Variants in TOX observed in about 807,000 individuals in gnomAD.
The protein encoded by TOX is thymocyte selection associated high mobility group box, also known as thymocyte selection-associated high mobility group box protein TOX.
A neutral mutation model predicts 53.7 loss-of-function variants in TOX; 11 were observed. The observed-to-expected ratio is 0.20, with a 90% CI of 0.13 to 0.34. The LOEUF is 0.34. Among genes scored for constraint, TOX ranks in the 10% least tolerant of loss-of-function variants. The pLI is 1.00. For missense variants in TOX, 570 were observed against 664.6 expected, an observed-to-expected ratio of 0.86 and a Z score of 1.56; for synonymous variants, 225 against 245.3, an observed-to-expected ratio of 0.92 and a Z score of 0.77.
intron 1 of TOX, among the ~76,000 whole-genome samples, chr8:59,045,738 A>T (rs1159510973): frequency 6.6e-6 from 1 of 152,172 alleles, no homozygotes; most frequent in Non-Finnish European, 1.5e-5. Context: ...TGCCTGAAAA[A>T]ACTAGTGGTC....
intron 1 of TOX, among the ~76,000 whole-genome samples, chr8:59,053,564 T>C (rs2129421438): frequency 6.6e-6 from 1 of 152,390 alleles, no homozygotes; most frequent in East Asian, 1.9e-4. Flanking sequence ...TGTTCTGTTC[T>C]GTACTGACAT....
chr8:59,049,449 T>G (rs1428508612), intron 1 of TOX, among the ~76,000 whole-genome samples: 1 of 152,202 alleles, frequency 6.6e-6, no homozygotes, highest in Non-Finnish European at 1.5e-5. Flanking sequence ...CAATATCTTG[T>G]TGTATTTTTT....
intron 1 of TOX, among the ~76,000 whole-genome samples, chr8:59,098,916 G>A (rs188537122): frequency 1.3e-5 from 2 of 152,256 alleles, no homozygotes; most frequent in African/African-American, 2.4e-5. Context: ...AAATGGTTCC[G>A]ATGTGAATTA....
intron 1 of TOX, among the ~76,000 whole-genome samples, chr8:58,974,047 C>T (rs904890551): frequency 9.2e-5 from 14 of 152,192 alleles, no homozygotes; most frequent in African/African-American, 3.4e-4. Context: ...AAACACCTGC[C>T]TTGCCCTCCC....
chr8:59,106,298 G>T, intron 1 of TOX, among the ~76,000 whole-genome samples: 1 of 146,812 alleles, frequency 6.8e-6, no homozygotes, highest in African/African-American at 2.5e-5. Flanking sequence ...TCTTTTCTAA[G>T]TACTCTTTAG....
intron 2 of TOX, among the ~76,000 whole-genome samples, chr8:58,948,995 T>C (rs1273346379): frequency 1.3e-5 from 2 of 152,218 alleles, no homozygotes; most frequent in Non-Finnish European, 2.9e-5. Context: ...AGCTTGGATT[T>C]TGGAGCTGGA....
At chr8:58,844,444 TC>T (rs1810690010) in intron 4 of TOX, among the ~76,000 whole-genome samples, 1 of 152,134 alleles carries the variant, frequency 6.6e-6, no homozygotes, top group African/African-American at 2.4e-5. Context: ...TAAATTTTAT[TC>T]CATCATAATC....
intron 3 of TOX, among the ~76,000 whole-genome samples, chr8:58,929,228 A>C (rs2129175535): frequency 6.6e-6 from 1 of 152,242 alleles, no homozygotes; most frequent in East Asian, 1.9e-4. Flanking sequence ...TTGAAAGAAA[A>C]AAAGACACGC....
At chr8:58,996,542 G>GC (rs1427442623) in intron 1 of TOX, among the ~76,000 whole-genome samples, 1 of 152,134 alleles carries the variant, frequency 6.6e-6, no homozygotes, top group African/African-American at 2.4e-5. Flanking sequence ...TGAGGCCAAT[G>GC]CCCCTTTCCT....
intron 3 of TOX, among the ~76,000 whole-genome samples, chr8:58,886,482 C>T (rs1295786876): frequency 1.3e-5 from 2 of 152,058 alleles, no homozygotes; most frequent in African/African-American, 2.4e-5. Context: ...AAGTGGACTG[C>T]TTCCTAAATG....
chr8:58,949,045 T>C (rs1342423855), intron 2 of TOX, among the ~76,000 whole-genome samples: 1 of 152,202 alleles, frequency 6.6e-6, no homozygotes, highest in South Asian at 2.1e-4. Flanking sequence ...TTAGTAGATG[T>C]ATTTACTTAA....
chr8:58,964,547 C>G (rs1019873104), intron 1 of TOX, among the ~76,000 whole-genome samples: 2 of 152,172 alleles, frequency 1.3e-5, no homozygotes, highest in South Asian at 4.1e-4. Context: ...GAAAGCACCC[C>G]ATGCCATGGG....
chr8:59,054,804 G>C (rs904974465), intron 1 of TOX, among the ~76,000 whole-genome samples: 6 of 141,316 alleles, frequency 4.2e-5, no homozygotes, highest in Admixed American at 1.5e-4. Context: ...GAAAAAGACA[G>C]AGAGAGAAGG....
chr8:59,116,492 T>C (rs905144164), intron 1 of TOX, among the ~76,000 whole-genome samples: 2 of 152,230 alleles, frequency 1.3e-5, no homozygotes, highest in African/African-American at 4.8e-5. Context: ...ACTACAATTG[T>C]GGAGCTGGAC....
At chr8:58,996,866 TA>T (rs1813569021) in intron 1 of TOX, among the ~76,000 whole-genome samples, 1 of 152,230 alleles carries the variant, frequency 6.6e-6, no homozygotes, top group Non-Finnish European at 1.5e-5. Flanking sequence ...TGGAATTAGC[TA>T]GGGGTGTAGC....
chr8:59,000,359 G>T (rs1316879323), intron 1 of TOX, among the ~76,000 whole-genome samples: 1 of 152,134 alleles, frequency 6.6e-6, no homozygotes, highest in Non-Finnish European at 1.5e-5. Context: ...AAGACACTAT[G>T]GGAATACCCA....
intron 3 of TOX, among the ~76,000 whole-genome samples, chr8:58,899,562 A>G (rs990676295): frequency 1.3e-5 from 2 of 152,220 alleles, no homozygotes; most frequent in Non-Finnish European, 2.9e-5. Context: ...TTTCTGGTCC[A>G]AAATATTGGT....
At chr8:59,034,582 C>A (rs1201588804) in intron 1 of TOX, among the ~76,000 whole-genome samples, 1 of 152,146 alleles carries the variant, frequency 6.6e-6, no homozygotes, top group Non-Finnish European at 1.5e-5. Flanking sequence ...CGTCCAAGTC[C>A]AGTGTTGAGC....
intron 6 of TOX, among the ~76,000 whole-genome samples, chr8:58,823,305 C>T (rs569941696): frequency 2.0e-5 from 3 of 152,246 alleles, no homozygotes; most frequent in African/African-American, 7.2e-5. Flanking sequence ...CTCACTGCAA[C>T]CTCTACCTCA....
Sources: gnomAD v4.1 joint callset for allele counts (sites outside exome capture counted in the v4.1 genomes callset) on GRCh38, gnomAD v4.1.1 for gene constraint, MANE v1.5 for transcripts, NCBI Gene and HGNC (gene_info 2026-07-23, HGNC 2026-07-21) for gene names.